Variants in ADGRV1 observed in about 807,000 individuals in gnomAD.
The protein encoded by ADGRV1 is G-protein coupled receptor 98.
ADGRV1 carries 359 observed loss-of-function variants against 596.2 expected under a neutral mutation model. That is an observed-to-expected ratio of 0.60 (90% CI 0.55 to 0.66). ADGRV1 has a LOEUF of 0.66. ADGRV1 is among the 30% of genes least tolerant of loss of function. ADGRV1 has a pLI of 0.00. For synonymous variants in ADGRV1, 2,681 were observed against 2,679.2 expected, an observed-to-expected ratio of 1.00 and a Z score of -0.02; for missense variants, 7,274 against 7,575.6, an observed-to-expected ratio of 0.96 and a Z score of 1.48.
rs796396286 is a variant in ADGRV1, at chr5:90,639,102, G to A, written c.2240+1154G>A. ...CACACACACACACACACACACGCTC[G>A]CGCACACACACACACAGAGTCTAGA... On this transcript the variant is annotated intron_variant, in intron 11 of 89. Coordinates refer to ENST00000405460, the MANE Select transcript of ADGRV1 (RefSeq NM_032119.4). Among the ~76,000 whole-genome samples the A allele has an allele frequency of 9.4e-3, 946 of 100,798 alleles. 10 individuals carry two copies. Among genetic ancestry groups the A allele is most frequent in the African/African-American group, 0.032 (896 of 27,936 alleles). The allele number at this position is 100,798 out of a possible 152,430, so 66.1% of individuals were successfully genotyped here. A position where few individuals can be genotyped will look rare whatever the true frequency, so the allele number is the denominator to read the frequency against.
intron 21 of ADGRV1, among the ~76,000 whole-genome samples, chr5:90,666,707 G>A (rs537214593): frequency 7.3e-5 from 11 of 151,368 alleles, no homozygotes; most frequent in East Asian, 5.8e-4. Flanking sequence ...TCCTAGTCTC[G>A]ATGGTCTTTA....
intron 85 of ADGRV1, among the ~76,000 whole-genome samples, chr5:91,017,618 A>G (rs1284793506): frequency 6.6e-6 from 1 of 151,938 alleles, no homozygotes; most frequent in Non-Finnish European, 1.5e-5. Context: ...AAAAGCATCA[A>G]GATGTAGACA....
chr5:91,121,867 C>T (rs909169603), intron 87 of ADGRV1, among the ~76,000 whole-genome samples: 5 of 151,920 alleles, frequency 3.3e-5, no homozygotes, highest in African/African-American at 1.2e-4. Flanking sequence ...CCGTAGCATG[C>T]AGCAATTGGT....
intron 85 of ADGRV1, among the ~76,000 whole-genome samples, chr5:91,071,300 C>A (rs1011496718): frequency 6.6e-6 from 1 of 152,130 alleles, no homozygotes; most frequent in Non-Finnish European, 1.5e-5. Context: ...GTGACTTTGT[C>A]ATCAGCCCCA....
At chr5:90,776,886 T>G (rs1240004471) in intron 61 of ADGRV1, among the ~76,000 whole-genome samples, 1 of 152,140 alleles carries the variant, frequency 6.6e-6, no homozygotes, top group African/African-American at 2.4e-5. Context: ...ACTAAACATG[T>G]GATATAAGGG....
intron 84 of ADGRV1, among the ~76,000 whole-genome samples, chr5:90,966,724 C>G (rs1778507635): frequency 6.6e-6 from 1 of 151,934 alleles, no homozygotes; most frequent in Admixed American, 6.6e-5. Context: ...TTTTCCTTTT[C>G]TAAATAAAAT....
At chr5:90,969,991 C>T (rs774223527) in intron 84 of ADGRV1, among the ~76,000 whole-genome samples, 4 of 152,214 alleles carry the variant, frequency 2.6e-5, no homozygotes, top group Admixed American at 6.5e-5. Context: ...GAAGGGGTGA[C>T]GGACAGTACC....
chr5:91,148,861 C>T (rs2126886007), intron 87 of ADGRV1, among the ~76,000 whole-genome samples: 1 of 152,356 alleles, frequency 6.6e-6, no homozygotes, highest in Admixed American at 6.5e-5. Flanking sequence ...GAACCCACCT[C>T]TTGCATCAGC....
intron 86 of ADGRV1, among the ~76,000 whole-genome samples, chr5:91,079,869 A>C (rs1374469340): frequency 6.6e-6 from 1 of 152,130 alleles, no homozygotes; most frequent in Admixed American, 6.6e-5. Flanking sequence ...GAGCATGGAT[A>C]TGGGACGGGG....
rs147680602 is a variant in ADGRV1, at chr5:90,882,878, G to A, written c.17856+19021G>A. On this transcript the variant is annotated intron_variant, in intron 83 of 89. Transcript: ENST00000405460. The stretch of plus-strand genomic sequence containing the variant: ...GTGATTTCAAAATTTCAAAATTATA[G>A]CAATGTCCTTAAAATAGTGTTGAAT... Among the ~76,000 whole-genome samples, 95 of 149,816 alleles carry A rather than the reference G, an allele frequency of 6.3e-4. 1 individual carries two copies. The highest frequency in any genetic ancestry group is 2.4e-3 in the African/African-American group (94 of 39,484).
chr5:90,704,416 C>T lies in ADGRV1; in HGVS notation c.8314C>T (p.His2772Tyr). 2 of 1,579,302 alleles carry T rather than the reference C, an allele frequency of 1.3e-6. No homozygotes were observed. Among genetic ancestry groups the T allele is most frequent in the African/African-American group, 1.3e-5 (1 of 74,482 alleles). ...GTCGTTGAATACAACATTGTTTGTG[C>T]ATTTGTTGGATGACAACATTCCTGA... ...EGSLNTTLFV[H>Y]LLDDNIPEEK... The change falls in exon 36 of 90, where the codon CAT (histidine) becomes TAT (tyrosine). Residue 2772 changes from histidine (H) to tyrosine (Y), a missense_variant. His to Tyr is a moderately conservative substitution (Grantham distance 83). Transcript: ENST00000405460.
Position 90,810,392 on chromosome 5 carries a change from C to A in ADGRV1, c.15132C>A (p.Thr5044=), listed in dbSNP as rs558966891. The change falls in exon 74 of 90, where the codon ACC becomes ACA. Residue 5044 remains threonine (T), a synonymous_variant. Transcript: ENST00000405460. ...ATCTTATTAAAGTTTCTTATCAGACCACTGCAGGAAGCGCCAAGCCACTGG... is the reference window on the plus strand; with the variant it reads ...ATCTTATTAAAGTTTCTTATCAGACAACTGCAGGAAGCGCCAAGCCACTGG... ...HSDLIKVSYQ[T]TAGSAKPLED... is the part of the protein sequence containing the mutation. 17 of 1,613,758 alleles carry A rather than the reference C, an allele frequency of 1.1e-5. No individual in the cohort carries two copies. In the East Asian group the frequency reaches 3.8e-4, roughly 36 times the overall value.
At chr5:90,976,322 G>GTGTGTATA (rs1420288881) in intron 84 of ADGRV1, among the ~76,000 whole-genome samples, 2,176 of 108,454 alleles carry the variant, frequency 0.02, 19 homozygotes, top group Non-Finnish European at 0.03. Flanking sequence ...GTGTGTGTGT[G>GTGTGTATA]TATATATATA....
chr5:91,043,139 A>G (rs1785507552), intron 85 of ADGRV1, among the ~76,000 whole-genome samples: 1 of 152,124 alleles, frequency 6.6e-6, no homozygotes, highest in Non-Finnish European at 1.5e-5. Flanking sequence ...TTTCCTCTGT[A>G]CTTCATTATT....
chr5:90,666,792 T>C (rs553438782), intron 21 of ADGRV1, among the ~76,000 whole-genome samples: 1 of 152,064 alleles, frequency 6.6e-6, no homozygotes, highest in South Asian at 2.1e-4. Context: ...AGGAGCTCTT[T>C]TAGGACAGGC....
At chr5:90,783,403 A>T in intron 66 of ADGRV1, 78 bp downstream of exon 66, 1 of 971,956 alleles carries the variant, frequency 1.0e-6, no homozygotes, top group Non-Finnish European at 1.6e-6. Flanking sequence ...TTTTGCACTG[A>T]CAATAGAACT....
intron 48 of ADGRV1, among the ~76,000 whole-genome samples, chr5:90,725,918 C>T (rs1171128787): frequency 6.6e-6 from 1 of 152,106 alleles, no homozygotes; most frequent in Non-Finnish European, 1.5e-5. Context: ...AATTGCAAAA[C>T]ATTGTGGAGA....
At chr5:90,693,685 T>G (rs1396957628) in intron 32 of ADGRV1, among the ~76,000 whole-genome samples, 1 of 152,198 alleles carries the variant, frequency 6.6e-6, no homozygotes, top group Non-Finnish European at 1.5e-5. Context: ...AAAATAAGTG[T>G]TGTTTGATTG....
chr5:91,075,207 G>C (rs890043309), intron 86 of ADGRV1, among the ~76,000 whole-genome samples: 6 of 152,050 alleles, frequency 3.9e-5, no homozygotes, highest in African/African-American at 1.4e-4. Context: ...CATTTCAGAA[G>C]CTATGCTTTT....
Sources: allele counts gnomAD v4.1 joint callset (sites outside exome capture counted in the v4.1 genomes callset), GRCh38; gene constraint gnomAD v4.1.1; transcripts MANE v1.5; gene names NCBI Gene and HGNC (gene_info 2026-07-23, HGNC 2026-07-21).